Variants in GALNTL6 observed in about 807,000 individuals in gnomAD.
GALNTL6 encodes polypeptide N-acetylgalactosaminyltransferase-like 6.
A neutral mutation model predicts 73.7 loss-of-function variants in GALNTL6; 46 were observed. The ratio of observed to expected loss-of-function variants is 0.62; its 90% CI spans 0.49 to 0.80. The LOEUF (loss-of-function observed/expected upper bound fraction) is 0.80, where lower values mean the gene tolerates loss of function less well. GALNTL6 is among the 30% of genes least tolerant of loss of function. The probability of loss-of-function intolerance (pLI) is 0.00; values close to 1 mark genes in which losing one functional copy is unlikely to be tolerated. For missense variants in GALNTL6, 604 were observed against 755.0 expected, an observed-to-expected ratio of 0.80 and a Z score of 2.34; for synonymous variants, 259 against 263.7, an observed-to-expected ratio of 0.98 and a Z score of 0.17.
At chr4:172,669,777 C>T (rs937296853) in intron 5 of GALNTL6, among the ~76,000 whole-genome samples, 2 of 151,782 alleles carry the variant, frequency 1.3e-5, no homozygotes, top group African/African-American at 2.4e-5. Context: ...GGTATGAAGC[C>T]TAGAACCCAT....
At position 171,905,610 on chromosome 4, in the gene GALNTL6, C is replaced by G. The variant is rs1277268957; in HGVS notation, c.138+90892C>G. Among the ~76,000 whole-genome samples, 2 of 149,970 alleles carry G rather than the reference C, an allele frequency of 1.3e-5. 1 individual carries two copies. The highest frequency in any genetic ancestry group is 5.1e-5 in the African/African-American group (2 of 39,452). ...GAGACAGAAAGTCAACAAGGATACC[C>G]AGGAATTGAACTCAGCTCTGCACCA... is the stretch of plus-strand genomic sequence containing the variant. On this transcript the variant is annotated intron_variant, in intron 2 of 12. Coordinates refer to ENST00000506823, the MANE Select transcript of GALNTL6 (RefSeq NM_001034845.3).
At chr4:172,764,844 C>G (rs984547669) in intron 5 of GALNTL6, among the ~76,000 whole-genome samples, 1 of 152,150 alleles carries the variant, frequency 6.6e-6, no homozygotes, top group African/African-American at 2.4e-5. Flanking sequence ...CTTATATAGA[C>G]TACTGAAGGT....
rs1041664314 is a variant in GALNTL6 at position 172,669,012 on chromosome 4, A to C, written c.554-140349A>C. 3 of 152,108 alleles carry C rather than the reference A, an allele frequency of 2.0e-5. No individual in the cohort carries two copies. In the South Asian group the frequency reaches 6.2e-4, roughly 31 times the overall value. 9.4% of individuals were successfully genotyped at this position (152,108 alleles called of 1,614,324 possible). A position where few individuals can be genotyped will look rare whatever the true frequency, so the allele number is the denominator to read the frequency against. On this transcript the variant is annotated intron_variant, in intron 5 of 12. Transcript: ENST00000506823. ...CAGAGACATTTTATGGAAAAAAAAA[A>C]GTTTTATTTTATAGATTCAGTTCTG...
chr4:173,002,516 C>T (rs750006641), intron 10 of GALNTL6, among the ~76,000 whole-genome samples: 3 of 151,534 alleles, frequency 2.0e-5, no homozygotes, highest in Non-Finnish European at 4.4e-5. Context: ...TATATGAGGT[C>T]GGGCATGGTG....
At chr4:172,632,003 G>A (rs1739416587) in intron 5 of GALNTL6, among the ~76,000 whole-genome samples, 1 of 152,212 alleles carries the variant, frequency 6.6e-6, no homozygotes, top group Non-Finnish European at 1.5e-5. Flanking sequence ...ATAAATGGGA[G>A]TTCCCCTTCA....
intron 2 of GALNTL6, among the ~76,000 whole-genome samples, chr4:172,062,124 A>T (rs1357007752): frequency 1.4e-5 from 2 of 143,714 alleles, no homozygotes; most frequent in Non-Finnish European, 3.1e-5. Flanking sequence ...TAATTTTTGT[A>T]TTTTTTTTTT....
intron 2 of GALNTL6, among the ~76,000 whole-genome samples, chr4:171,923,794 G>GTGTGTGTGTGTC (rs1173825157): frequency 1.4e-5 from 2 of 140,852 alleles, no homozygotes; most frequent in Non-Finnish European, 3.1e-5. Flanking sequence ...TGCTGTGTGT[G>GTGTGTGTGTGTC]TGTGTGTGTG....
At chr4:172,523,505 C>G (rs985165947) in intron 5 of GALNTL6, among the ~76,000 whole-genome samples, 3 of 152,088 alleles carry the variant, frequency 2.0e-5, no homozygotes, top group African/African-American at 7.2e-5. Flanking sequence ...GCTGGAACTA[C>G]AGGTGCACAC....
chr4:172,759,556 A>G (rs1470611912), intron 5 of GALNTL6, among the ~76,000 whole-genome samples: 3 of 151,958 alleles, frequency 2.0e-5, no homozygotes, highest in African/African-American at 7.3e-5. Context: ...AATTTCATCC[A>G]CCCTTTAGGG....
chr4:172,692,697 A>G (rs1011794690), intron 5 of GALNTL6, among the ~76,000 whole-genome samples: 7 of 152,180 alleles, frequency 4.6e-5, no homozygotes, highest in Admixed American at 4.6e-4. Context: ...TCCCTCCCTT[A>G]CTAATAAGTT....
intron 5 of GALNTL6, among the ~76,000 whole-genome samples, chr4:172,573,081 G>A (rs1307929756): frequency 6.6e-6 from 1 of 152,000 alleles, no homozygotes; most frequent in Non-Finnish European, 1.5e-5. Flanking sequence ...TGTTTACCCG[G>A]CTACATGATT....
intron 2 of GALNTL6, among the ~76,000 whole-genome samples, chr4:171,938,784 C>T (rs977876425): frequency 2.6e-5 from 4 of 152,178 alleles, no homozygotes; most frequent in African/African-American, 9.6e-5. Flanking sequence ...AAAGCTAGGG[C>T]TATCATCCTA....
At chr4:172,316,445 T>A (rs1383360758) in intron 4 of GALNTL6, among the ~76,000 whole-genome samples, 2 of 152,232 alleles carry the variant, frequency 1.3e-5, no homozygotes, top group Non-Finnish European at 1.5e-5. Flanking sequence ...TTTATATCAC[T>A]AATATTACCC....
intron 5 of GALNTL6, among the ~76,000 whole-genome samples, chr4:172,520,153 A>G (rs1472141859): frequency 6.6e-6 from 1 of 151,878 alleles, no homozygotes; most frequent in Non-Finnish European, 1.5e-5. Context: ...GGCAGGCTTT[A>G]TTATTCTTAT....
chr4:171,902,520 T>G (rs1212899245), intron 2 of GALNTL6, among the ~76,000 whole-genome samples: 1 of 152,156 alleles, frequency 6.6e-6, no homozygotes, highest in Non-Finnish European at 1.5e-5. Context: ...CAATTGATGT[T>G]TTGAAGGGAC....
intron 3 of GALNTL6, among the ~76,000 whole-genome samples, chr4:172,283,180 GA>G (rs1739125034): frequency 3.9e-5 from 6 of 152,166 alleles, no homozygotes; most frequent in Admixed American, 3.9e-4. Flanking sequence ...GTAAACACAT[GA>G]GTGAGACAAA....
intron 5 of GALNTL6, among the ~76,000 whole-genome samples, chr4:172,707,022 G>C (rs1579369623): frequency 6.6e-6 from 1 of 152,110 alleles, no homozygotes; most frequent in Admixed American, 6.5e-5. Context: ...CATGATGGTG[G>C]GGAAACTGGC....
intron 5 of GALNTL6, among the ~76,000 whole-genome samples, chr4:172,414,369 T>A (rs952632431): frequency 6.6e-6 from 1 of 152,192 alleles, no homozygotes; most frequent in Non-Finnish European, 1.5e-5. Flanking sequence ...TATATGTGTA[T>A]ACACAGGCAG....
chr4:172,154,103 G>C, intron 2 of GALNTL6, among the ~76,000 whole-genome samples: 1 of 146,584 alleles, frequency 6.8e-6, no homozygotes. Context: ...ACTACTCACT[G>C]CTTCTTGTGT....
Sources: allele counts gnomAD v4.1 joint callset (sites outside exome capture counted in the v4.1 genomes callset), GRCh38; gene constraint gnomAD v4.1.1; transcripts MANE v1.5; gene names NCBI Gene and HGNC (gene_info 2026-07-23, HGNC 2026-07-21).